The following CHST7 variants were observed in gnomAD, a reference collection of about 807,000 sequenced individuals.
CHST7 encodes N-acetylglucosamine 6-O-sulfotransferase 4.
Under a neutral mutation model 9.0 loss-of-function variants are expected in CHST7, and 5 were observed. The ratio of observed to expected loss-of-function variants is 0.56; its 90% confidence interval spans 0.29 to 1.17. The LOEUF is 1.17. CHST7 is among the 50% of genes most tolerant of loss of function. CHST7 has a pLI of 0.08. For missense variants in CHST7, 377 were observed against 485.1 expected (o/e 0.78, Z 2.09); for synonymous variants, 244 against 237.1 (o/e 1.03, Z -0.27).
intron 1 of CHST7, among the ~76,000 whole-genome samples, chrX:46,578,576 A>AAT (rs750512908): frequency 1.9e-5 from 2 of 104,244 alleles, no homozygotes; most frequent in South Asian, 8.8e-4. Context: ...ATTAAAAGAA[A>AAT]TTTTTTTTTT....
intron 1 of CHST7, among the ~76,000 whole-genome samples, chrX:46,593,034 T>A (rs1248013328): frequency 9.0e-6 from 1 of 111,039 alleles, no homozygotes; most frequent in Non-Finnish European, 1.9e-5. Context: ...TACACTATGG[T>A]TATTTAATTT....
At position 46,575,143 on chromosome X, in the gene CHST7, C is replaced by G. The variant is rs1312788161; in HGVS notation, c.1212C>G (p.Phe404Leu). 7.3e-6 allele frequency: 8 copies of G among 1,096,711 alleles called. No homozygotes were observed. Among genetic ancestry groups the G allele is most frequent in the Admixed American group, 3.6e-5 (1 of 28,011 alleles). The allele number at this position is 1,096,711 out of a possible 1,213,427, so 90.4% of individuals were successfully genotyped here. The change falls in exon 1 of 2, where the codon TTC becomes TTG. Residue 404 changes from phenylalanine (F) to leucine (L), a missense_variant. Phe to Leu is a conservative substitution (Grantham distance 22). Around this residue, in one of 3 missense-constraint regions of CHST7, gnomAD observed 130 missense variants for 134.9 expected, o/e 0.96. Transcript: ENST00000276055. ...GLRALAALDA[F>L]ALNMTRGAAY... ...GCGCGCTCGCAGCGCTCGATGCCTT[C>G]GCGCTCAACATGACTCGCGGCGCGG...
chrX:46,576,429 TTTTTTGTTTTTCCA>T (rs1291674470), intron 1 of CHST7, among the ~76,000 whole-genome samples: 3 of 111,514 alleles, frequency 2.7e-5, no homozygotes, highest in African/African-American at 9.8e-5. Flanking sequence ...CTGCCCCCTC[TTTTTTGTTTTTCCA>T]TTTTTGTTTT....
chrX:46,576,217 C>T (rs760098080), intron 1 of CHST7, among the ~76,000 whole-genome samples: 1 of 105,822 alleles, frequency 9.4e-6, no homozygotes, highest in South Asian at 4.5e-4. Flanking sequence ...TCCCTTCCCC[C>T]TTCTCCCTGT....
intron 1 of CHST7, among the ~76,000 whole-genome samples, chrX:46,583,293 T>C (rs753000899): frequency 3.6e-4 from 40 of 112,322 alleles, no homozygotes; most frequent in African/African-American, 1.1e-3. Flanking sequence ...AGGTGCAGTA[T>C]AAAATAAGAA....
intron 1 of CHST7, among the ~76,000 whole-genome samples, chrX:46,581,050 C>A (rs1942522072): frequency 9.1e-6 from 1 of 109,409 alleles, no homozygotes; most frequent in Non-Finnish European, 1.9e-5. Context: ...GCCTGACCAA[C>A]ATAGTGAAAC....
Position 46,574,579 on chromosome X carries a change from G to A in CHST7, c.648G>A (p.Glu216=), listed in dbSNP as rs774849883. The part of the protein sequence containing the change: ...LCPGAPRARA[E]VGLVEDTACE... ...CTGGCGCACCCCGTGCCCGGGCCGA[G>A]GTGGGCCTCGTCGAGGACACCGCCT... The change falls in exon 1 of 2, where the codon GAG becomes GAA. Residue 216 remains glutamate (E), a synonymous_variant. Coordinates refer to ENST00000276055, the MANE Select transcript of CHST7 (RefSeq NM_019886.4). The A allele has an allele frequency of 2.5e-6, 3 of 1,203,791 alleles. No individual in the cohort carries two copies. In the Admixed American group the frequency reaches 6.6e-5, roughly 26 times the overall value.
In CHST7 at chrX:46,575,024, T is replaced by C. The variant is rs752194293; in HGVS notation, c.1093T>C (p.Trp365Arg). The C allele has an allele frequency of 1.2e-5, 14 of 1,130,557 alleles. No homozygotes were observed. The highest frequency in any genetic ancestry group is 1.6e-5 in the Non-Finnish European group (14 of 867,379). 93.2% of individuals were successfully genotyped at this position (1,130,557 alleles called of 1,213,427 possible). Residue 365 changes from tryptophan (W) to arginine (R), a missense_variant, in exon 1 of 2, where the codon TGG becomes CGG. By Grantham distance (101) the Trp-to-Arg change is moderately radical. Transcript: ENST00000276055. ...DLLFARGAPAWLRRRYLRLRY... is the reference protein window; with the variant it reads ...DLLFARGAPARLRRRYLRLRY... The stretch of plus-strand genomic sequence containing the variant: ...GCTTTTCGCGCGCGGCGCGCCCGCC[T>C]GGCTGCGGCGCCGCTACCTGAGGCT...
At chrX:46,576,670 G>GAAAAGTAGT (rs772036276) in intron 1 of CHST7, among the ~76,000 whole-genome samples, 9 of 111,604 alleles carry the variant, frequency 8.1e-5, no homozygotes, top group African/African-American at 1.6e-4. Flanking sequence ...AGAGGAGGAG[G>GAAAAGTAGT]AAAAGTAGTG....
intron 1 of CHST7, among the ~76,000 whole-genome samples, chrX:46,584,134 C>T (rs1241200204): frequency 8.9e-6 from 1 of 112,048 alleles, no homozygotes; most frequent in Non-Finnish European, 1.9e-5. Context: ...GATTCCCCTC[C>T]CATGAAATGG....
chrX:46,588,967 G>C (rs1197233308), intron 1 of CHST7, among the ~76,000 whole-genome samples: 1 of 111,540 alleles, frequency 9.0e-6, no homozygotes, highest in African/African-American at 3.3e-5. Context: ...TAAACAGAAG[G>C]GTCTATGATT....
chrX:46,584,266 G>A (rs1026818075), intron 1 of CHST7, among the ~76,000 whole-genome samples: 2 of 110,916 alleles, frequency 1.8e-5, no homozygotes, highest in Admixed American at 9.6e-5. Flanking sequence ...GGCCGGGTGC[G>A]GTGGCTCACA....
chrX:46,591,437 C>T (rs926932221), intron 1 of CHST7, among the ~76,000 whole-genome samples: 4 of 111,230 alleles, frequency 3.6e-5, no homozygotes, highest in African/African-American at 1.3e-4. Context: ...TGCAGTGGTG[C>T]GATCTCGGCT....
At position 46,598,028 on chromosome X, in the gene CHST7, C is replaced by T. The variant is rs1942605256; in HGVS notation, c.*300C>T. 8.9e-6 allele frequency: 1 copy of T among 112,603 alleles called. No homozygotes were observed. The highest frequency in any genetic ancestry group is 3.2e-5 in the African/African-American group (1 of 30,915). The allele number at this position is 112,603 out of a possible 1,213,427, so 9.3% of individuals were successfully genotyped here. ...GCTTTAGTTCCCAGGCTGAACCTGC[C>T]ACTGCTGGAGCCATTTCAACAAGGC... On this transcript the variant is annotated 3_prime_UTR_variant, in exon 2 of 2. Coordinates refer to ENST00000276055, the MANE Select transcript of CHST7 (RefSeq NM_019886.4).
At position 46,575,069 on chromosome X, in the gene CHST7, C is replaced by A; in HGVS notation, c.1138C>A (p.Arg380=). 1 of 1,127,311 alleles carries A rather than the reference C, an allele frequency of 8.9e-7. No individual in the cohort carries two copies. The allele number at this position is 1,127,311 out of a possible 1,213,427, so 92.9% of individuals were successfully genotyped here. The part of the protein sequence containing the change: ...YLRLRYEDLV[R]QPRAQLRRLL... ...GAGGCTGCGCTATGAGGACCTGGTG[C>A]GGCAGCCACGCGCCCAGCTGCGCCG... is the stretch of plus-strand genomic sequence containing the variant. Residue 380 remains arginine, a synonymous_variant, in exon 1 of 2, where the codon CGG becomes AGG. Coordinates refer to ENST00000276055, the MANE Select transcript of CHST7 (RefSeq NM_019886.4).
chrX:46,591,621 C>T (rs946199574), intron 1 of CHST7, among the ~76,000 whole-genome samples: 8 of 111,053 alleles, frequency 7.2e-5, no homozygotes, highest in Non-Finnish European at 3.8e-5. Flanking sequence ...GTGATCTGCC[C>T]GCCTCAGCCT....
chrX:46,592,268 CCT>C lies in CHST7; in HGVS notation c.*32-5491_*32-5490del, dbSNP rs201451356. On this transcript the variant is annotated intron_variant, in intron 1 of 1. Transcript: ENST00000276055. ...GTCTGTGGTGTCTGTAATGAAAACCCCTGTTTCATTGCTGATACTGGTAATGT... is the reference window on the plus strand; with the variant it reads ...GTCTGTGGTGTCTGTAATGAAAACCCGTTTCATTGCTGATACTGGTAATGT... Among the ~76,000 whole-genome samples the C allele has an allele frequency of 2.1e-3, 231 of 111,922 alleles. 8 individuals carry two copies. In the East Asian group the frequency reaches 0.051, roughly 25 times the overall value.
intron 1 of CHST7, among the ~76,000 whole-genome samples, chrX:46,580,310 G>A (rs1243895133): frequency 9.0e-6 from 1 of 111,251 alleles, no homozygotes; most frequent in African/African-American, 3.3e-5. Context: ...CACCCGCCTC[G>A]GCCTCCCAAA....
rs1368075532 is a variant in CHST7, at chrX:46,574,497, C to T, written c.566C>T (p.Thr189Met). ...ARAPDTANLT[T>M]AALFRWRTNK... Reference sequence around the variant, plus strand: ...GCCCCGGACACGGCCAATCTTACCACGGCCGCCCTCTTCCGCTGGCGGACT... The same window carrying T: ...GCCCCGGACACGGCCAATCTTACCATGGCCGCCCTCTTCCGCTGGCGGACT... Residue 189 changes from threonine to methionine, a missense_variant, in exon 1 of 2, where the codon ACG (threonine) becomes ATG (methionine). By Grantham distance (81) the Thr-to-Met change is moderately conservative. Transcript: ENST00000276055. 1.7e-6 allele frequency: 2 copies of T among 1,206,871 alleles called. No homozygotes were observed. Among genetic ancestry groups the T allele is most frequent in the Non-Finnish European group, 2.2e-6 (2 of 892,979 alleles).
Sources: gnomAD v4.1 joint callset for allele counts (sites outside exome capture counted in the v4.1 genomes callset) on GRCh38, gnomAD v4.1.1 for gene constraint, gnomAD v4.1.1 regional missense constraint, MANE v1.5 for transcripts, NCBI Gene and HGNC (gene_info 2026-07-23, HGNC 2026-07-21) for gene names.